Variants in GATA4 observed in about 807,000 individuals in gnomAD.
GATA4 encodes the protein transcription factor GATA-4.
A neutral mutation model predicts 37.9 loss-of-function variants in GATA4; 7 were observed. The observed-to-expected ratio is 0.18, with a 90% CI of 0.11 to 0.35. GATA4 has a LOEUF of 0.35. GATA4 is among the 10% of genes least tolerant of loss of function. The probability of loss-of-function intolerance (pLI) is 1.00; values close to 1 mark genes in which losing one functional copy is unlikely to be tolerated. For synonymous variants in GATA4, 372 were observed against 292.6 expected, an observed-to-expected ratio of 1.27 and a Z score of -2.77; for missense variants, 647 against 653.0, an observed-to-expected ratio of 0.99 and a Z score of 0.10.
intron 1 of GATA4, chr8:11,683,093 C>T: frequency 1.0e-6 from 1 of 985,434 alleles, no homozygotes; most frequent in Non-Finnish European, 1.2e-6. Flanking sequence ...GCCTTCTCGC[C>T]GGATTGCCTT....
chr8:11,711,494 G>T (rs1215767135), intron 2 of GATA4, among the ~76,000 whole-genome samples: 1 of 152,006 alleles, frequency 6.6e-6, no homozygotes, highest in Non-Finnish European at 1.5e-5. Flanking sequence ...AGCAGTGCAT[G>T]TGGCCAGGCG....
intron 4 of GATA4, among the ~76,000 whole-genome samples, chr8:11,753,900 A>C (rs907378826): frequency 3.9e-5 from 6 of 152,216 alleles, no homozygotes; most frequent in African/African-American, 1.4e-4. Flanking sequence ...GCCTAAGAGA[A>C]ACCAGATGTG....
upstream of GATA4, among the ~76,000 whole-genome samples, chr8:11,700,939 A>G (rs1729401619): frequency 6.6e-6 from 1 of 152,172 alleles, no homozygotes; most frequent in Non-Finnish European, 1.5e-5. Flanking sequence ...AGGTCCCACC[A>G]AAAACTCGCA....
intron 6 of GATA4, 29 bp from the exon 7 acceptor site, chr8:11,758,264 G>T (rs368426162): frequency 6.2e-7 from 1 of 1,613,370 alleles, no homozygotes; most frequent in Non-Finnish European, 8.5e-7. Flanking sequence ...CGTCTCCATG[G>T]GCCTCATCGT....
At chr8:11,744,909 C>G (rs1173704283) in intron 2 of GATA4, among the ~76,000 whole-genome samples, 1 of 152,190 alleles carries the variant, frequency 6.6e-6, no homozygotes, top group Non-Finnish European at 1.5e-5. Context: ...GTCCCCCACT[C>G]TGCTGAGGGT....
upstream of GATA4, among the ~76,000 whole-genome samples, chr8:11,699,228 G>T (rs1377053038): frequency 6.6e-6 from 1 of 152,130 alleles, no homozygotes; most frequent in African/African-American, 2.4e-5. Context: ...ACTTCAGGGG[G>T]CATGGACAAG....
upstream of GATA4, among the ~76,000 whole-genome samples, chr8:11,703,792 C>T (rs1027718232): frequency 6.6e-6 from 1 of 152,244 alleles, no homozygotes; most frequent in African/African-American, 2.4e-5. Flanking sequence ...CCGGGTGACC[C>T]AGTGCCCCAC....
At chr8:11,755,024 A>G (rs751743456) in intron 4 of GATA4, 22 bp from the exon 5 acceptor site, 4 of 1,593,798 alleles carry the variant, frequency 2.5e-6, no homozygotes, top group African/African-American at 1.3e-5. Context: ...AAAACCCTAT[A>G]TATTTACTTG....
intron 2 of GATA4, among the ~76,000 whole-genome samples, chr8:11,712,634 T>C (rs939974092): frequency 5.3e-5 from 8 of 151,444 alleles, no homozygotes; most frequent in Admixed American, 3.9e-4. Flanking sequence ...GGTGGGAGGA[T>C]TGCTTGAGCT....
rs1159623271 is a variant in GATA4, at chr8:11,749,912, C to T, written c.787-199C>T. ...GTTCGCTCTCCTCGGGCAGCAGAAA[C>T]CTTGTTCTGATTTATTCCTCGCAGT... is the stretch of plus-strand genomic sequence containing the variant. On this transcript the variant is annotated intron_variant, in intron 3 of 6. Transcript: ENST00000532059. The surrounding 1 kb of genome is among the most constrained non-coding windows in gnomAD (Gnocchi z 4.6). Among the ~76,000 whole-genome samples, 1 of 152,204 alleles carries T rather than the reference C, an allele frequency of 6.6e-6. No homozygotes were observed. Among genetic ancestry groups the T allele is most frequent in the Non-Finnish European group, 1.5e-5 (1 of 68,042 alleles).
At chr8:11,702,926 C>A (rs915737183), upstream of GATA4, among the ~76,000 whole-genome samples, 1 of 152,244 alleles carries the variant, frequency 6.6e-6, no homozygotes, top group African/African-American at 2.4e-5. The surrounding 1 kb of genome is among the most constrained non-coding windows in gnomAD (Gnocchi z 4.4). Flanking sequence ...TCCTGAGAAT[C>A]CCCAGGAGTT....
chr8:11,681,084 G>A (rs562051094), intron 1 of GATA4: 3 of 965,304 alleles, frequency 3.1e-6, no homozygotes, highest in East Asian at 1.1e-4. Context: ...ACATTGAGGG[G>A]CATGGGTGGC....
chr8:11,692,781 C>G (rs1322967169), intron 1 of GATA4: 1 of 982,228 alleles, frequency 1.0e-6, no homozygotes, highest in Admixed American at 6.2e-5. Context: ...AGCGAGGCTG[C>G]CGAGGGGAGG....
chr8:11,683,210 A>G lies in GATA4; in HGVS notation c.-274+6147A>G, dbSNP rs957258240. ...CAGGAACAATCCATTAGACCTCAGC[A>G]TTTATCCGGAGCGGGGGAGGACGGA... On this transcript the variant is annotated intron_variant, in intron 1 of 6. Coordinates refer to the GATA4 transcript ENST00000528712. 3 of 871,606 alleles carry G rather than the reference A, an allele frequency of 3.4e-6. No individual in the cohort carries two copies. The African/African-American group carries it at 5.5e-5, about 16-fold the overall frequency. 54.0% of individuals were successfully genotyped at this position (871,606 alleles called of 1,614,324 possible).
chr8:11,686,903 C>T (rs1485198801), intron 1 of GATA4, among the ~76,000 whole-genome samples: 1 of 151,474 alleles, frequency 6.6e-6, no homozygotes, highest in East Asian at 1.9e-4. Context: ...GAGGCTGAGG[C>T]AGGAAAACCA....
At chr8:11,742,336 C>T (rs1801781209) in intron 2 of GATA4, among the ~76,000 whole-genome samples, 1 of 151,370 alleles carries the variant, frequency 6.6e-6, no homozygotes, top group Non-Finnish European at 1.5e-5. Context: ...TCTTCCTCCT[C>T]TATCTCTCTA....
At chr8:11,725,758 G>A (rs940425762) in intron 2 of GATA4, among the ~76,000 whole-genome samples, 1 of 152,266 alleles carries the variant, frequency 6.6e-6, no homozygotes, top group South Asian at 2.1e-4. Context: ...ATTATTACTC[G>A]GCACCTTGGC....
At chr8:11,730,508 T>G (rs1008987846) in intron 2 of GATA4, among the ~76,000 whole-genome samples, 2 of 152,202 alleles carry the variant, frequency 1.3e-5, no homozygotes, top group South Asian at 4.1e-4. Context: ...TTTGTACTGT[T>G]CTGGTCAGGA....
chr8:11,716,330 A>G (rs759733634), intron 2 of GATA4, among the ~76,000 whole-genome samples: 5 of 151,896 alleles, frequency 3.3e-5, no homozygotes, highest in African/African-American at 4.8e-5. Context: ...TTTAAAGAAG[A>G]TTCTCTATTT....
Sources: gnomAD v4.1 joint callset for allele counts (sites outside exome capture counted in the v4.1 genomes callset) on GRCh38, gnomAD v4.1.1 for gene constraint, Gnocchi (gnomAD v3.1) non-coding constraint, MANE v1.5 for transcripts, NCBI Gene and HGNC (gene_info 2026-07-23, HGNC 2026-07-21) for gene names.